The following ADGRL3 variants were observed in gnomAD, a reference collection of about 807,000 sequenced individuals.
ADGRL3 encodes adhesion G protein-coupled receptor L3.
In ADGRL3, 62 loss-of-function variants were observed where a neutral mutation model predicts 153.5. That is an observed-to-expected ratio of 0.40 (90% CI 0.33 to 0.50). ADGRL3 has a LOEUF of 0.50. ADGRL3 is among the 20% of genes least tolerant of loss of function. The pLI is 0.47. For synonymous variants in ADGRL3, 710 were observed against 672.5 expected, an observed-to-expected ratio of 1.06 and a Z score of -0.86; for missense variants, 1,641 against 1,859.4, an observed-to-expected ratio of 0.88 and a Z score of 2.16.
intron 8 of ADGRL3, among the ~76,000 whole-genome samples, chr4:61,759,318 G>A (rs889778231): frequency 5.3e-5 from 8 of 152,096 alleles, no homozygotes; most frequent in Admixed American, 2.6e-4. Context: ...CCAATCAGAC[G>A]TAGATTTGGT....
chr4:61,948,547 A>T (rs2098934678), intron 17 of ADGRL3, among the ~76,000 whole-genome samples: 1 of 152,186 alleles, frequency 6.6e-6, no homozygotes, highest in African/African-American at 2.4e-5. Context: ...TAAATGTCAG[A>T]CCATAACCTC....
Position 61,369,516 on chromosome 4 carries a change from A to T in ADGRL3, c.-239-13608A>T, listed in dbSNP as rs1485056581. 1.3e-4 allele frequency among the ~76,000 whole-genome samples: 20 copies of T among 152,034 alleles called. 1 individual carries two copies. The highest frequency in any genetic ancestry group is 1.5e-5 in the Non-Finnish European group (1 of 68,006). On this transcript the variant is annotated intron_variant, in intron 1 of 26. Transcript: ENST00000683033. Reference sequence around the variant, plus strand: ...GTGGTTTTTGTCTTTGGCTCTGTTTATATGCTGGATTACATTTATTGATTT... The same window carrying T: ...GTGGTTTTTGTCTTTGGCTCTGTTTTTATGCTGGATTACATTTATTGATTT...
intron 4 of ADGRL3, among the ~76,000 whole-genome samples, chr4:61,537,819 G>C (rs2098666167): frequency 6.6e-6 from 1 of 152,118 alleles, no homozygotes; most frequent in Non-Finnish European, 1.5e-5. Context: ...TCCAAATTCA[G>C]TGCTTGTTTC....
At chr4:61,269,934 A>G (rs2093066622) in intron 1 of ADGRL3, among the ~76,000 whole-genome samples, 1 of 151,702 alleles carries the variant, frequency 6.6e-6, no homozygotes. Context: ...ACCAAGAGAA[A>G]TTAAATGGCA....
chr4:61,924,691 G>A (rs1010495420), intron 13 of ADGRL3, among the ~76,000 whole-genome samples: 1 of 152,206 alleles, frequency 6.6e-6, no homozygotes, highest in African/African-American at 2.4e-5. Context: ...AGTTCCATTT[G>A]AAGACTTTTA....
chr4:61,226,057 A>G (rs1296432014), intron 1 of ADGRL3, among the ~76,000 whole-genome samples: 5 of 152,166 alleles, frequency 3.3e-5, no homozygotes, highest in South Asian at 2.1e-4. Flanking sequence ...CAAAATTACC[A>G]TATAGAATTT....
At chr4:61,747,239 C>A (rs1445215860) in intron 8 of ADGRL3, among the ~76,000 whole-genome samples, 1 of 149,658 alleles carries the variant, frequency 6.7e-6, no homozygotes. Context: ...CAAAAAGAGT[C>A]CAGGACCAGA....
At chr4:61,880,215 GA>G in intron 9 of ADGRL3, among the ~76,000 whole-genome samples, 1 of 152,042 alleles carries the variant, frequency 6.6e-6, no homozygotes, top group Non-Finnish European at 1.5e-5. Flanking sequence ...ACATTGTCCT[GA>G]TTACTCAACC....
chr4:61,421,618 TTCC>T (rs2097208450), intron 2 of ADGRL3, among the ~76,000 whole-genome samples: 1 of 152,206 alleles, frequency 6.6e-6, no homozygotes, highest in South Asian at 2.1e-4. Context: ...TAGGAAGAAC[TTCC>T]TCATGATTTC....
intron 1 of ADGRL3, among the ~76,000 whole-genome samples, chr4:61,292,113 A>G (rs957037627): frequency 6.6e-6 from 1 of 151,856 alleles, no homozygotes; most frequent in East Asian, 1.9e-4. Flanking sequence ...GGTCAAAAGT[A>G]TACAGCAACA....
intron 9 of ADGRL3, among the ~76,000 whole-genome samples, chr4:61,863,025 T>G (rs2098359428): frequency 6.6e-6 from 1 of 152,106 alleles, no homozygotes; most frequent in African/African-American, 2.4e-5. Flanking sequence ...TGACTTGGAT[T>G]TCAGAAACCA....
intron 9 of ADGRL3, among the ~76,000 whole-genome samples, chr4:61,889,618 G>A (rs1437285984): frequency 6.6e-6 from 1 of 152,120 alleles, no homozygotes. Context: ...TCATTACATG[G>A]TACTGGTGCT....
intron 2 of ADGRL3, among the ~76,000 whole-genome samples, chr4:61,485,592 A>G (rs1291487322): frequency 6.6e-6 from 1 of 152,186 alleles, no homozygotes; most frequent in African/African-American, 2.4e-5. Context: ...AACCTAGCTC[A>G]TGATGAGATA....
In ADGRL3 at chr4:61,938,862, CAAAA is replaced by C. The variant is rs71213019; in HGVS notation, c.2419+2839_2419+2842del. On this transcript the variant is annotated intron_variant, in intron 15 of 26. Transcript: ENST00000683033. ...TTAGATGTTAAATAACCCTCCTCCT[CAAAA>C]AAAAAAAAAAAAAAAAAAAAATTTT... is the stretch of plus-strand genomic sequence containing the variant. Among the ~76,000 whole-genome samples, 386 of 71,522 alleles carry C rather than the reference CAAAA, an allele frequency of 5.4e-3. 4 individuals are homozygous for C. Among genetic ancestry groups the C allele is most frequent in the African/African-American group, 0.02 (373 of 19,084 alleles). 46.9% of individuals were successfully genotyped at this position (71,522 alleles called of 152,430 possible). A position where few individuals can be genotyped will look rare whatever the true frequency, so the allele number is the denominator to read the frequency against.
At chr4:61,331,935 A>G (rs1431236103) in intron 1 of ADGRL3, among the ~76,000 whole-genome samples, 1 of 152,094 alleles carries the variant, frequency 6.6e-6, no homozygotes, top group African/African-American at 2.4e-5. Context: ...AGAAATGGGT[A>G]TAGTCAGTGT....
chr4:61,426,585 C>G (rs996662647), intron 2 of ADGRL3: 2 of 152,188 alleles, frequency 1.3e-5, no homozygotes, highest in Admixed American at 6.5e-5. Flanking sequence ...ACACTCTGCA[C>G]CAGCATTTAC....
At chr4:61,707,296 C>A (rs549010586) in intron 6 of ADGRL3, among the ~76,000 whole-genome samples, 5 of 151,998 alleles carry the variant, frequency 3.3e-5, no homozygotes, top group African/African-American at 1.2e-4. Flanking sequence ...ACAGAGACAC[C>A]AAGTAAGCAC....
intron 4 of ADGRL3, among the ~76,000 whole-genome samples, chr4:61,518,801 C>G (rs772036856): frequency 1.4e-4 from 21 of 152,130 alleles, no homozygotes; most frequent in African/African-American, 4.8e-4. Context: ...AGTGTGTTCT[C>G]AAAATTCAAG....
rs1476010558 is a variant in ADGRL3 at position 62,023,076 on chromosome 4, A to G, written c.3396-5779A>G. Among the ~76,000 whole-genome samples, 4 of 152,094 alleles carry G rather than the reference A, an allele frequency of 2.6e-5. No homozygotes were observed. The East Asian group carries it at 7.7e-4, about 29-fold the overall frequency. On this transcript the variant is annotated intron_variant, in intron 21 of 26. Transcript: ENST00000683033. ...TTCTGGAAAGTATTCACTATTCTAG[A>G]TGTCATTAAGAACATTTGTGATTCA...
Sources: allele counts gnomAD v4.1 joint callset (sites outside exome capture counted in the v4.1 genomes callset), GRCh38; gene constraint gnomAD v4.1.1; transcripts MANE v1.5; gene names NCBI Gene and HGNC (gene_info 2026-07-23, HGNC 2026-07-21).